Variants in MBLAC2 observed in about 807,000 individuals in gnomAD.
MBLAC2 encodes acyl-coenzyme A thioesterase MBLAC2.
Under a neutral mutation model 23.3 loss-of-function variants are expected in MBLAC2, and 24 were observed. That is an observed-to-expected ratio of 1.03 (90% CI 0.75 to 1.45). The LOEUF (loss-of-function observed/expected upper bound fraction) is 1.45, where lower values mean the gene tolerates loss of function less well. Among genes scored for constraint, MBLAC2 ranks in the 40% most tolerant of loss-of-function variants. The pLI is 0.00. For missense variants in MBLAC2, 358 were observed against 370.0 expected (o/e 0.97, Z 0.27); for synonymous variants, 162 against 150.9 (o/e 1.07, Z -0.54).
chr5:90,467,656 T>C (rs1025728310), intron 1 of MBLAC2, among the ~76,000 whole-genome samples: 2 of 151,446 alleles, frequency 1.3e-5, no homozygotes, highest in Admixed American at 1.3e-4. Flanking sequence ...AAGTGGAGCA[T>C]TTAGGCCATT....
rs1750669693 is a variant in MBLAC2 at position 90,474,454 on chromosome 5, G to A, written c.-162C>T. On this transcript the variant is annotated 5_prime_UTR_variant, in exon 1 of 2. Coordinates refer to ENST00000316610, the MANE Select transcript of MBLAC2 (RefSeq NM_203406.2). The stretch of plus-strand genomic sequence containing the variant: ...TGGGATGCGGGGGTCGGAATAGGAG[G>A]AGGAAGGACGCAGACCGACGCTGCC... 1.2e-5 allele frequency: 8 copies of A among 658,608 alleles called. No homozygotes were observed. Among genetic ancestry groups the A allele is most frequent in the African/African-American group, 1.8e-5 (1 of 54,598 alleles). The allele number at this position is 658,608 out of a possible 1,614,324, so 40.8% of individuals were successfully genotyped here.
chr5:90,466,986 A>G (rs1580181353), intron 1 of MBLAC2, among the ~76,000 whole-genome samples: 1 of 152,146 alleles, frequency 6.6e-6, no homozygotes, highest in Non-Finnish European at 1.5e-5. Context: ...AAAAACACAA[A>G]ATTCACCAGA....
At chr5:90,463,383 G>A (rs78474965) in intron 1 of MBLAC2, among the ~76,000 whole-genome samples, 2,008 of 152,266 alleles carry the variant, frequency 0.013, 33 homozygotes, top group Non-Finnish European at 0.021. Context: ...GAGCTACTGC[G>A]CCCAACCTTA....
Position 90,469,717 on chromosome 5 carries a change from A to T in MBLAC2, c.454+4122T>A, listed in dbSNP as rs1371540830. Among the ~76,000 whole-genome samples the T allele has an allele frequency of 2.6e-5, 4 of 152,210 alleles. No homozygotes were observed. In the East Asian group the frequency reaches 7.7e-4, roughly 29 times the overall value. On this transcript the variant is annotated intron_variant, in intron 1 of 1. Coordinates refer to ENST00000316610, the MANE Select transcript of MBLAC2 (RefSeq NM_203406.2). ...TGAGTAAAAATGGCTATTGTCAAAAAGACAGAAAATAACAGATGCTGACAA... is the reference window on the plus strand; with the variant it reads ...TGAGTAAAAATGGCTATTGTCAAAATGACAGAAAATAACAGATGCTGACAA...
At position 90,474,300 on chromosome 5, in the gene MBLAC2, A is replaced by T; in HGVS notation, c.-8T>A. 6.2e-7 allele frequency: 1 copy of T among 1,611,942 alleles called. No individual in the cohort carries two copies. Among genetic ancestry groups the T allele is most frequent in the South Asian group, 1.1e-5 (1 of 90,758 alleles). ...CCACTCGAGCGCCGACATGCTGGGC[A>T]GGGGTGCAGCCAGGCGGGGTGAGTG... On this transcript the variant is annotated 5_prime_UTR_variant, in exon 1 of 2. Coordinates refer to ENST00000316610, the MANE Select transcript of MBLAC2 (RefSeq NM_203406.2).
chr5:90,471,260 G>T (rs1022724081), intron 1 of MBLAC2, among the ~76,000 whole-genome samples: 1 of 152,116 alleles, frequency 6.6e-6, no homozygotes, highest in Non-Finnish European at 1.5e-5. Flanking sequence ...CTCTGCAAAT[G>T]ACTTAAGTCC....
At chr5:90,466,514 T>C (rs548709435) in intron 1 of MBLAC2, among the ~76,000 whole-genome samples, 7 of 152,262 alleles carry the variant, frequency 4.6e-5, no homozygotes, top group African/African-American at 1.7e-4. Flanking sequence ...CTAACTGGAC[T>C]TCAAGTTATA....
chr5:90,473,868 G>T lies in MBLAC2; in HGVS notation c.425C>A (p.Ala142Glu). The change falls in exon 1 of 2, where the codon GCG (alanine) becomes GAG (glutamate). Residue 142 changes from alanine to glutamate, a missense_variant. Ala to Glu is a moderately radical substitution (Grantham distance 107). Transcript: ENST00000316610. ...GWRARQFRVQ[A>E]VQPTLILQDG... ...CTGCAGGATGAGGGTGGGCTGCACC[G>T]CCTGTACCCGGAACTGTCTGGCCCT... The T allele has an allele frequency of 6.3e-7, 1 of 1,597,102 alleles. No individual in the cohort carries two copies. The highest frequency in any genetic ancestry group is 1.1e-5 in the South Asian group (1 of 88,326).
chr5:90,467,275 G>C (rs1409515466), intron 1 of MBLAC2, among the ~76,000 whole-genome samples: 1 of 152,230 alleles, frequency 6.6e-6, no homozygotes, highest in Admixed American at 6.5e-5. Context: ...CTGTCGACAA[G>C]TGGAGTATTA....
chr5:90,470,754 G>GCA (rs112575403), intron 1 of MBLAC2, among the ~76,000 whole-genome samples: 21,238 of 112,256 alleles, frequency 0.19, 1,629 homozygotes, highest in South Asian at 0.32. Flanking sequence ...ACTAGCGCGC[G>GCA]CGCACACACA....
intron 1 of MBLAC2, among the ~76,000 whole-genome samples, chr5:90,462,021 T>C (rs1561238215): frequency 6.6e-6 from 1 of 152,224 alleles, no homozygotes; most frequent in African/African-American, 2.4e-5. Flanking sequence ...GTTGACACAA[T>C]TAATGAATGT....
Position 90,468,409 on chromosome 5 carries a change from G to A in MBLAC2, c.454+5430C>T, listed in dbSNP as rs58590992. ...ATTTTTTTTTAATTCCTTTTTCTTC[G>A]TCTTTGACGGATTGGGTTAATTCAA... On this transcript the variant is annotated intron_variant, in intron 1 of 1. Transcript: ENST00000316610. Among the ~76,000 whole-genome samples the A allele has an allele frequency of 6.5e-3, 986 of 151,258 alleles. 15 individuals are homozygous for A. The highest frequency in any genetic ancestry group is 0.017 in the African/African-American group (713 of 41,192).
intron 1 of MBLAC2, among the ~76,000 whole-genome samples, chr5:90,463,886 T>C (rs1750409478): frequency 6.6e-6 from 1 of 151,970 alleles, no homozygotes; most frequent in Non-Finnish European, 1.5e-5. Context: ...CTTGCTAAAA[T>C]AGGAATTAAA....
At chr5:90,470,749 C>CGT (rs1356183145) in intron 1 of MBLAC2, among the ~76,000 whole-genome samples, 1 of 127,026 alleles carries the variant, frequency 7.9e-6, no homozygotes, top group African/African-American at 3.3e-5. Flanking sequence ...AGAAAACTAG[C>CGT]GCGCGCGCAC....
At chr5:90,470,785 C>CACACACACACACACACACACACACAA (rs3220210) in intron 1 of MBLAC2, among the ~76,000 whole-genome samples, 2 of 148,068 alleles carry the variant, frequency 1.4e-5, no homozygotes, top group Non-Finnish European at 1.5e-5. Flanking sequence ...CACACACACA[C>CACACACACACACACACACACACACAA]GCTTTCTTTC....
Position 90,474,104 on chromosome 5 carries a change from C to T in MBLAC2, c.189G>A (p.Leu63=). The change falls in exon 1 of 2, where the codon TTG becomes TTA. Residue 63 remains leucine (L), a synonymous_variant. Transcript: ENST00000316610. ...LPEYLYSSGL[L]QDREAKEDAA... ...CGTCCTCTTTGGCCTCTCGGTCCTGCAAGAGGCCGGAGGAGTACAGGTACT... is the reference window on the plus strand; with the variant it reads ...CGTCCTCTTTGGCCTCTCGGTCCTGTAAGAGGCCGGAGGAGTACAGGTACT... The T allele has an allele frequency of 6.3e-7, 1 of 1,577,108 alleles. No homozygotes were observed. Among genetic ancestry groups the T allele is most frequent in the Non-Finnish European group, 8.6e-7 (1 of 1,161,350 alleles).
At position 90,474,235 on chromosome 5, in the gene MBLAC2, G is replaced by C. The variant is rs1750650171; in HGVS notation, c.58C>G (p.Gln20Glu). ...KSLGDGIFWI[Q>E]ERFYESGNRA... Reference sequence around the variant, plus strand: ...TTGCCCGACTCGTAGAAACGTTCTTGAATCCAGAAGATACCATCGCCTAGA... The same window carrying C: ...TTGCCCGACTCGTAGAAACGTTCTTCAATCCAGAAGATACCATCGCCTAGA... The change falls in exon 1 of 2, where the codon CAA becomes GAA. Residue 20 changes from glutamine (Q) to glutamate (E), a missense_variant. Physicochemically the swap from Gln to Glu is conservative, Grantham distance 29. Coordinates refer to ENST00000316610, the MANE Select transcript of MBLAC2 (RefSeq NM_203406.2). The C allele has an allele frequency of 6.2e-7, 1 of 1,613,546 alleles. No homozygotes were observed. The highest frequency in any genetic ancestry group is 8.5e-7 in the Non-Finnish European group (1 of 1,179,818).
At chr5:90,468,572 A>G (rs991469798) in intron 1 of MBLAC2, among the ~76,000 whole-genome samples, 12 of 152,004 alleles carry the variant, frequency 7.9e-5, no homozygotes, top group African/African-American at 1.4e-4. Context: ...TATGCTATCT[A>G]TTTCACTGAA....
chr5:90,465,614 C>CT (rs1206108008), intron 1 of MBLAC2, among the ~76,000 whole-genome samples: 5 of 152,164 alleles, frequency 3.3e-5, no homozygotes, highest in Non-Finnish European at 7.4e-5. Flanking sequence ...GATGGAATCT[C>CT]TGTCACTCAG....
Sources: gnomAD v4.1 joint callset for allele counts (sites outside exome capture counted in the v4.1 genomes callset) on GRCh38, gnomAD v4.1.1 for gene constraint, MANE v1.5 for transcripts, NCBI Gene and HGNC (gene_info 2026-07-23, HGNC 2026-07-21) for gene names.